The following MACROD2 variants were observed in gnomAD, a reference collection of about 807,000 sequenced individuals.
MACROD2 encodes the protein mono-ADP ribosylhydrolase 2, also known as ADP-ribose glycohydrolase MACROD2.
MACROD2 carries 36 observed loss-of-function variants against 70.4 expected under a neutral mutation model. That is an observed-to-expected ratio of 0.51 (90% CI 0.39 to 0.68). MACROD2 has a LOEUF of 0.68. Ranked by LOEUF, MACROD2 falls within the 30% of genes least tolerant of loss-of-function variation. MACROD2 has a pLI of 0.00. For missense variants in MACROD2, 496 were observed against 538.4 expected, an observed-to-expected ratio of 0.92 and a Z score of 0.78; for synonymous variants, 172 against 178.8, an observed-to-expected ratio of 0.96 and a Z score of 0.30.
At chr20:14,737,842 G>C (rs1316993736) in intron 5 of MACROD2, among the ~76,000 whole-genome samples, 2 of 152,126 alleles carry the variant, frequency 1.3e-5, no homozygotes, top group East Asian at 3.8e-4. Context: ...GTAGATTCTG[G>C]ATATTAGCCC....
chr20:15,968,786 A>G (rs2066180696), intron 13 of MACROD2, among the ~76,000 whole-genome samples: 1 of 138,666 alleles, frequency 7.2e-6, no homozygotes, highest in Non-Finnish European at 1.5e-5. Context: ...ATATAATATT[A>G]TATATTATGC....
intron 3 of MACROD2, among the ~76,000 whole-genome samples, chr20:14,292,141 A>G (rs1483068053): frequency 6.6e-6 from 1 of 151,894 alleles, no homozygotes; most frequent in Non-Finnish European, 1.5e-5. Flanking sequence ...GAGGGAGGGC[A>G]TAACCTCCCA....
At chr20:15,838,188 C>G (rs1457454595) in intron 8 of MACROD2, among the ~76,000 whole-genome samples, 1 of 151,912 alleles carries the variant, frequency 6.6e-6, no homozygotes, top group East Asian at 1.9e-4. Flanking sequence ...CCATTCTTTC[C>G]TTTTAATTTA....
At chr20:14,250,861 G>A (rs955729985) in intron 3 of MACROD2, among the ~76,000 whole-genome samples, 3 of 152,044 alleles carry the variant, frequency 2.0e-5, no homozygotes, top group Non-Finnish European at 2.9e-5. Flanking sequence ...ACTCTATGAA[G>A]TGATCTTACC....
chr20:15,255,204 T>C lies in MACROD2; in HGVS notation c.540+25143T>C, dbSNP rs186184264. Among the ~76,000 whole-genome samples the C allele has an allele frequency of 4.8e-3, 724 of 152,252 alleles. 3 individuals carry two copies. The highest frequency in any genetic ancestry group is 7.2e-3 in the Non-Finnish European group (491 of 68,002). On this transcript the variant is annotated intron_variant, in intron 6 of 17. Coordinates refer to ENST00000684519, the MANE Select transcript of MACROD2 (RefSeq NM_001351661.2). ...CAGTCATTTATCATCGTGAACTTCA[T>C]TTTTATCCTGTACTCTCTAATGTAA...
At chr20:15,113,020 A>G (rs1329887914) in intron 5 of MACROD2, among the ~76,000 whole-genome samples, 3 of 148,502 alleles carry the variant, frequency 2.0e-5, no homozygotes, top group East Asian at 3.9e-4. Context: ...TTATCCATTC[A>G]TCTATCAATG....
intron 3 of MACROD2, among the ~76,000 whole-genome samples, chr20:14,157,262 TC>T (rs1395455619): frequency 6.6e-6 from 1 of 152,130 alleles, no homozygotes; most frequent in Non-Finnish European, 1.5e-5. Flanking sequence ...ATCCTCTTTT[TC>T]AAAATTGATA....
At chr20:15,524,141 C>T (rs1303356851) in intron 8 of MACROD2, among the ~76,000 whole-genome samples, 3 of 152,158 alleles carry the variant, frequency 2.0e-5, no homozygotes, top group African/African-American at 7.2e-5. Flanking sequence ...AAAATATTTA[C>T]ACCGAGGTCC....
intron 3 of MACROD2, among the ~76,000 whole-genome samples, chr20:14,459,837 T>A (rs901132286): frequency 7.9e-5 from 12 of 152,218 alleles, no homozygotes; most frequent in Non-Finnish European, 1.3e-4. Flanking sequence ...CAACCCGTCA[T>A]CTACATTAGG....
At chr20:15,176,931 T>C (rs2076466668) in intron 5 of MACROD2, among the ~76,000 whole-genome samples, 1 of 152,140 alleles carries the variant, frequency 6.6e-6, no homozygotes, top group Non-Finnish European at 1.5e-5. Flanking sequence ...ATTCCCCTCA[T>C]CTAGACATGG....
At chr20:15,846,584 C>T (rs964044464) in intron 8 of MACROD2, among the ~76,000 whole-genome samples, 10 of 152,222 alleles carry the variant, frequency 6.6e-5, no homozygotes, top group Non-Finnish European at 1.3e-4. Context: ...AAAGGAATTT[C>T]CTGGTTGGAC....
intron 3 of MACROD2, among the ~76,000 whole-genome samples, chr20:14,427,937 T>C (rs542759543): frequency 9.9e-5 from 15 of 152,284 alleles, no homozygotes; most frequent in African/African-American, 3.6e-4. Context: ...AAATGTTCTA[T>C]GATATTTGGT....
chr20:15,775,243 G>T (rs1452536238), intron 8 of MACROD2, among the ~76,000 whole-genome samples: 1 of 152,100 alleles, frequency 6.6e-6, no homozygotes, highest in Admixed American at 6.6e-5. Flanking sequence ...CAAAAAAATG[G>T]CAGTACAAGC....
chr20:14,679,756 A>G (rs1358929531), intron 4 of MACROD2, among the ~76,000 whole-genome samples: 1 of 152,090 alleles, frequency 6.6e-6, no homozygotes, highest in Non-Finnish European at 1.5e-5. Context: ...TTCAAGTGCC[A>G]CAAATATAGC....
At chr20:15,283,183 G>C (rs2077461105) in intron 6 of MACROD2, among the ~76,000 whole-genome samples, 1 of 152,160 alleles carries the variant, frequency 6.6e-6, no homozygotes. Flanking sequence ...TTACATTTGA[G>C]ATGAGATTTG....
intron 5 of MACROD2, among the ~76,000 whole-genome samples, chr20:14,916,976 G>T (rs565695127): frequency 1.3e-5 from 2 of 152,106 alleles, no homozygotes; most frequent in Non-Finnish European, 2.9e-5. Flanking sequence ...GATTGGTCAT[G>T]CAAACTTAAC....
chr20:14,033,338 T>C (rs564013795), intron 2 of MACROD2, among the ~76,000 whole-genome samples: 13 of 152,282 alleles, frequency 8.5e-5, no homozygotes, highest in African/African-American at 2.6e-4. Context: ...ACAGTTACAA[T>C]AGTTTCTTTA....
intron 5 of MACROD2, among the ~76,000 whole-genome samples, chr20:14,867,607 GT>G (rs1303547036): frequency 6.6e-6 from 1 of 152,088 alleles, no homozygotes; most frequent in Non-Finnish European, 1.5e-5. Flanking sequence ...CATCTGCCAT[GT>G]TGATTTCTTT....
intron 5 of MACROD2, among the ~76,000 whole-genome samples, chr20:15,075,499 G>A (rs940819368): frequency 1.3e-5 from 2 of 152,088 alleles, no homozygotes; most frequent in African/African-American, 4.8e-5. Flanking sequence ...AGACTTCAGG[G>A]CTGTTTAAAT....
Sources: gnomAD v4.1 joint callset for allele counts (sites outside exome capture counted in the v4.1 genomes callset) on GRCh38, gnomAD v4.1.1 for gene constraint, MANE v1.5 for transcripts, NCBI Gene and HGNC (gene_info 2026-07-23, HGNC 2026-07-21) for gene names.